Variants in ENPP1 observed in about 807,000 individuals in gnomAD.
ENPP1 encodes the protein ectonucleotide pyrophosphatase/phosphodiesterase family member 1.
In ENPP1, 73 loss-of-function variants were observed where a neutral mutation model predicts 122.8. The observed-to-expected ratio is 0.59, with a 90% CI of 0.49 to 0.72. ENPP1 has a LOEUF of 0.72. Ranked by LOEUF, ENPP1 falls within the 30% of genes least tolerant of loss-of-function variation. The pLI is 0.00. For missense variants in ENPP1, 978 were observed against 1,128.1 expected (o/e 0.87, Z 1.91); for synonymous variants, 367 against 391.6 (o/e 0.94, Z 0.74).
At position 131,808,027 on chromosome 6, in the gene ENPP1, G is replaced by T; in HGVS notation, c.-9G>T. On this transcript the variant is annotated 5_prime_UTR_variant, in exon 1 of 25. Coordinates refer to ENST00000647893, the MANE Select transcript of ENPP1 (RefSeq NM_006208.3). ...GCCGGGCAGCGGGGCCGGAGCGGCC[G>T]GGGCCACGATGGAGCGCGACGGCTG... is the stretch of plus-strand genomic sequence containing the variant. The T allele has an allele frequency of 1.0e-6, 1 of 979,808 alleles. No homozygotes were observed. The highest frequency in any genetic ancestry group is 1.2e-6 in the Non-Finnish European group (1 of 827,278). The allele number at this position is 979,808 out of a possible 1,614,324, so 60.7% of individuals were successfully genotyped here.
In ENPP1 at chr6:131,894,118, T is replaced by C; in HGVS notation, c.*3607T>C. ...ACAGGCACCTGCCGTCACGCCTGGC[T>C]AATTTTTTGTATTTTTAGTAGAGAA... On this transcript the variant is annotated 3_prime_UTR_variant, in exon 25 of 25. Transcript: ENST00000647893. 1 of 145,932 alleles carries C rather than the reference T, an allele frequency of 6.9e-6. No individual in the cohort carries two copies. Among genetic ancestry groups the C allele is most frequent in the Non-Finnish European group, 1.5e-5 (1 of 67,878 alleles). 9.0% of individuals were successfully genotyped at this position (145,932 alleles called of 1,614,324 possible). A position where few individuals can be genotyped will look rare whatever the true frequency, so the allele number is the denominator to read the frequency against.
intron 20 of ENPP1, among the ~76,000 whole-genome samples, chr6:131,881,002 G>A (rs1283360877): frequency 6.6e-6 from 1 of 152,128 alleles, no homozygotes; most frequent in African/African-American, 2.4e-5. Flanking sequence ...AGAGAAGGGG[G>A]AAGATGAGAT....
At position 131,830,351 on chromosome 6, in the gene ENPP1, A is replaced by C. The variant is rs567574007; in HGVS notation, c.241-17425A>C. ...CTCTAGAGTGGTCCAGGAGGGGGCA[A>C]GCTGCCCCAGGAAGGAGGAGAGACT... On this transcript the variant is annotated intron_variant, in intron 1 of 24. Transcript: ENST00000647893. 8.5e-5 allele frequency among the ~76,000 whole-genome samples: 13 copies of C among 152,284 alleles called. No homozygotes were observed. The South Asian group carries it at 2.7e-3, about 32-fold the overall frequency.
At chr6:131,857,752 T>C (rs1483648911) in intron 6 of ENPP1, among the ~76,000 whole-genome samples, 1 of 152,202 alleles carries the variant, frequency 6.6e-6, no homozygotes, top group Non-Finnish European at 1.5e-5. Context: ...TATACATATG[T>C]AACTAACCTG....
At chr6:131,866,044 A>G (rs1257730136) in intron 11 of ENPP1, among the ~76,000 whole-genome samples, 2 of 151,656 alleles carry the variant, frequency 1.3e-5, no homozygotes, top group Non-Finnish European at 2.9e-5. Flanking sequence ...ATTTCCTTGT[A>G]CCTCTAAGTT....
chr6:131,856,865 C>T (rs1201119524), intron 6 of ENPP1, among the ~76,000 whole-genome samples: 1 of 151,832 alleles, frequency 6.6e-6, no homozygotes, highest in Non-Finnish European at 1.5e-5. Flanking sequence ...GTTTTGGTAC[C>T]AGTACCATGC....
intron 8 of ENPP1, among the ~76,000 whole-genome samples, chr6:131,861,394 G>A (rs1361315420): frequency 1.3e-5 from 2 of 152,168 alleles, no homozygotes; most frequent in Non-Finnish European, 2.9e-5. Flanking sequence ...AAAGCTACAG[G>A]AGTTAATCTC....
At chr6:131,884,866 T>G in intron 22 of ENPP1, 65 bp from the exon 23 acceptor site, 2 of 1,561,934 alleles carry the variant, frequency 1.3e-6, no homozygotes, top group Non-Finnish European at 1.8e-6. Context: ...TGGTGTTAAT[T>G]TATTTCACAC....
chr6:131,881,402 A>T (rs1009559892), intron 20 of ENPP1, among the ~76,000 whole-genome samples: 1 of 152,152 alleles, frequency 6.6e-6, no homozygotes, highest in Non-Finnish European at 1.5e-5. Context: ...TACCTTAATT[A>T]TGGGTTCCTT....
At chr6:131,850,223 A>C in intron 3 of ENPP1, 117 bp downstream of exon 3, 1 of 783,786 alleles carries the variant, frequency 1.3e-6, no homozygotes, top group South Asian at 1.4e-5. Context: ...TTAGTTTAGC[A>C]TACATACACG....
intron 1 of ENPP1, among the ~76,000 whole-genome samples, chr6:131,821,169 C>T (rs972953029): frequency 1.3e-5 from 2 of 152,152 alleles, no homozygotes; most frequent in Non-Finnish European, 2.9e-5. Context: ...CACCCCAGAC[C>T]TACTAAACCA....
Position 131,872,811 on chromosome 6 carries a change from T to C in ENPP1, c.1438-112T>C, listed in dbSNP as rs1037442939. 4.6e-6 allele frequency: 5 copies of C among 1,094,360 alleles called. No individual in the cohort carries two copies. In the South Asian group the frequency reaches 7.5e-5, roughly 16 times the overall value. The allele number at this position is 1,094,360 out of a possible 1,614,324, so 67.8% of individuals were successfully genotyped here. ...CAATTTCAAGAAAAGTTGACACTTT[T>C]TATAGATATTAGGGAAATATCTTTC... is the stretch of plus-strand genomic sequence containing the variant. On this transcript the variant is annotated intron_variant, in intron 14 of 24. Transcript: ENST00000647893.
chr6:131,831,229 T>C (rs1284007339), intron 1 of ENPP1, among the ~76,000 whole-genome samples: 1 of 152,168 alleles, frequency 6.6e-6, no homozygotes, highest in Non-Finnish European at 1.5e-5. Context: ...TTTCTCTTTT[T>C]TCTTTTTCCT....
rs141685861 is a variant in ENPP1 at position 131,853,588 on chromosome 6, T to C, written c.618-1338T>C. Among the ~76,000 whole-genome samples the C allele has an allele frequency of 4.2e-3, 636 of 152,324 alleles. 5 individuals carry two copies. Among genetic ancestry groups the C allele is most frequent in the African/African-American group, 0.012 (495 of 41,570 alleles). On this transcript the variant is annotated intron_variant, in intron 5 of 24. Transcript: ENST00000647893. ...CTATATACACTGGTTCTACAGAGTCTCTCAGTGGAGCTATGTTACAGATAG... is the reference window on the plus strand; with the variant it reads ...CTATATACACTGGTTCTACAGAGTCCCTCAGTGGAGCTATGTTACAGATAG...
intron 12 of ENPP1, among the ~76,000 whole-genome samples, chr6:131,869,050 G>A (rs895095026): frequency 1.3e-5 from 2 of 152,038 alleles, no homozygotes; most frequent in Non-Finnish European, 2.9e-5. Context: ...GGTGGTTTGG[G>A]GCAAATAACT....
At chr6:131,854,174 G>C (rs1781916061) in intron 5 of ENPP1, among the ~76,000 whole-genome samples, 1 of 152,270 alleles carries the variant, frequency 6.6e-6, no homozygotes, top group East Asian at 1.9e-4. Context: ...GGAGGCCGAG[G>C]TGGGAAGATT....
intron 20 of ENPP1, among the ~76,000 whole-genome samples, chr6:131,881,718 C>T (rs1285033225): frequency 6.6e-6 from 1 of 151,986 alleles, no homozygotes; most frequent in African/African-American, 2.4e-5. Context: ...CCTGTCTCTA[C>T]TAAAAATACA....
chr6:131,827,177 C>G, intron 1 of ENPP1: 1 of 758,678 alleles, frequency 1.3e-6, no homozygotes, highest in Non-Finnish European at 2.4e-6. Flanking sequence ...ACATTTTCCA[C>G]AAGCTAATGT....
At chr6:131,875,726 C>A in intron 16 of ENPP1, 50 bp from the exon 17 acceptor site, 1 of 1,481,754 alleles carries the variant, frequency 6.7e-7, no homozygotes, top group Non-Finnish European at 9.4e-7. Flanking sequence ...TTGGGACCAA[C>A]TTGTAGACAG....
Sources: gnomAD v4.1 joint callset for allele counts (sites outside exome capture counted in the v4.1 genomes callset) on GRCh38, gnomAD v4.1.1 for gene constraint, MANE v1.5 for transcripts, NCBI Gene and HGNC (gene_info 2026-07-23, HGNC 2026-07-21) for gene names.